CALCR: variants seen among roughly 807,000 people sequenced by gnomAD.
CALCR encodes calcitonin receptor.
Under a neutral mutation model 59.5 loss-of-function variants are expected in CALCR, and 47 were observed. The ratio of observed to expected loss-of-function variants is 0.79; its 90% CI spans 0.63 to 1.01. The LOEUF is 1.01. Among genes scored for constraint, CALCR ranks in the 50% least tolerant of loss-of-function variants. The pLI, the probability that CALCR is intolerant of heterozygous loss-of-function variation, is 0.00. For missense variants in CALCR, 566 were observed against 597.1 expected, an observed-to-expected ratio of 0.95 and a Z score of 0.54; for synonymous variants, 213 against 211.3, an observed-to-expected ratio of 1.01 and a Z score of -0.07.
At chr7:93,497,287 T>G (rs541480635) in intron 2 of CALCR, among the ~76,000 whole-genome samples, 1 of 151,782 alleles carries the variant, frequency 6.6e-6, no homozygotes, top group East Asian at 1.9e-4. Flanking sequence ...TCATGCTAAC[T>G]TAGCTCTTAT....
At chr7:93,526,521 T>TA (rs11379015) in intron 2 of CALCR, among the ~76,000 whole-genome samples, 97,282 of 151,872 alleles carry the variant, frequency 0.64, 32,892 homozygotes, top group African/African-American at 0.88. Context: ...TTGCAATTTA[T>TA]ATGTATATTA....
chr7:93,559,973 C>A (rs1457435903), intron 2 of CALCR, among the ~76,000 whole-genome samples: 2 of 152,042 alleles, frequency 1.3e-5, no homozygotes, highest in Admixed American at 1.3e-4. Flanking sequence ...TCTCACAACA[C>A]AGTGTATATT....
intron 8 of CALCR, among the ~76,000 whole-genome samples, chr7:93,458,338 G>A (rs1800249933): frequency 6.6e-6 from 1 of 152,164 alleles, no homozygotes; most frequent in South Asian, 2.1e-4. Context: ...TGGCAGAATT[G>A]TCAAAAGCCA....
rs138890266 is a variant in CALCR at position 93,493,496 on chromosome 7, C to T, written c.-26-6489G>A. On this transcript the variant is annotated intron_variant, in intron 2 of 13. Coordinates refer to ENST00000426151, the MANE Select transcript of CALCR (RefSeq NM_001742.4). ...TCAAACATGTCCATCCTATCTACTA[C>T]CTTAGTGCAGGTCACCATCTTTCTC... 2.1e-3 allele frequency among the ~76,000 whole-genome samples: 314 copies of T among 151,454 alleles called. 1 individual carries two copies. Among genetic ancestry groups the T allele is most frequent in the African/African-American group, 6.6e-3 (275 of 41,442 alleles).
intron 2 of CALCR, among the ~76,000 whole-genome samples, chr7:93,565,702 C>A (rs1042167100): frequency 6.6e-6 from 1 of 152,188 alleles, no homozygotes; most frequent in Non-Finnish European, 1.5e-5. Context: ...AATACCCTGA[C>A]CTTTCAGTCC....
At chr7:93,548,185 C>A (rs1789343263) in intron 2 of CALCR, among the ~76,000 whole-genome samples, 1 of 152,174 alleles carries the variant, frequency 6.6e-6, no homozygotes, top group Admixed American at 6.6e-5. Context: ...TTCATAAACA[C>A]CCTTCTCCCA....
intron 2 of CALCR, among the ~76,000 whole-genome samples, chr7:93,564,906 A>T (rs1789828430): frequency 6.6e-6 from 1 of 152,228 alleles, no homozygotes; most frequent in African/African-American, 2.4e-5. Context: ...AGACTCAAAC[A>T]GTGAGGCTTT....
chr7:93,538,412 A>G (rs1415201379), intron 2 of CALCR, among the ~76,000 whole-genome samples: 1 of 151,938 alleles, frequency 6.6e-6, no homozygotes, highest in East Asian at 1.9e-4. Context: ...TTCTTCTTCC[A>G]CCTTCAGTGG....
chr7:93,548,268 A>C (rs1355033507), intron 2 of CALCR, among the ~76,000 whole-genome samples: 3 of 152,164 alleles, frequency 2.0e-5, no homozygotes, highest in African/African-American at 7.2e-5. Context: ...TGGGGATATA[A>C]AGAACCTCTT....
rs1800801894 is a variant in CALCR, at chr7:93,481,738, T to C, written c.52-2231A>G. Among the ~76,000 whole-genome samples the C allele has an allele frequency of 2.0e-5, 3 of 151,898 alleles. No individual in the cohort carries two copies. In the South Asian group the frequency reaches 6.2e-4, roughly 31 times the overall value. On this transcript the variant is annotated intron_variant, in intron 3 of 13. Transcript: ENST00000426151. Reference sequence around the variant, plus strand: ...ATTGTGAATAAGGTTGACACTACTCTTTAAACATTTTGTTGATTTCTAATT... The same window carrying C: ...ATTGTGAATAAGGTTGACACTACTCCTTAAACATTTTGTTGATTTCTAATT...
chr7:93,564,830 T>A (rs1356297262), intron 2 of CALCR, among the ~76,000 whole-genome samples: 1 of 151,882 alleles, frequency 6.6e-6, no homozygotes, highest in Non-Finnish European at 1.5e-5. Flanking sequence ...GTTGTAGGAA[T>A]AGGGCAAAAT....
intron 7 of CALCR, among the ~76,000 whole-genome samples, chr7:93,462,724 A>G (rs993141613): frequency 1.3e-5 from 2 of 152,042 alleles, no homozygotes; most frequent in African/African-American, 4.8e-5. Flanking sequence ...AGTGTTCAAT[A>G]ATCTGCTGTT....
At chr7:93,550,568 A>C (rs1789425554) in intron 2 of CALCR, among the ~76,000 whole-genome samples, 1 of 148,442 alleles carries the variant, frequency 6.7e-6, no homozygotes, top group African/African-American at 2.5e-5. Context: ...AATTCACAAT[A>C]ATTATAACCA....
intron 2 of CALCR, among the ~76,000 whole-genome samples, chr7:93,550,640 C>CACACACACACGA (rs546932316): frequency 2.0e-5 from 3 of 146,758 alleles, no homozygotes; most frequent in Non-Finnish European, 4.5e-5. Flanking sequence ...CACACACACA[C>CACACACACACGA]GAGAGACAGA....
In CALCR at chr7:93,426,193, T is replaced by C. The variant is rs1349251676; in HGVS notation, c.*163A>G. On this transcript the variant is annotated 3_prime_UTR_variant, in exon 14 of 14. Transcript: ENST00000426151. ...CCTAGACTGTCTCCCAAAGCAACAG[T>C]ACCAAGAATAACTTTCTTCAGATTT... 1 of 583,300 alleles carries C rather than the reference T, an allele frequency of 1.7e-6. No individual in the cohort carries two copies. The allele number at this position is 583,300 out of a possible 1,614,324, so 36.1% of individuals were successfully genotyped here. A position where few individuals can be genotyped will look rare whatever the true frequency, so the allele number is the denominator to read the frequency against.
intron 2 of CALCR, among the ~76,000 whole-genome samples, chr7:93,544,108 C>T (rs1188229796): frequency 6.6e-6 from 1 of 151,640 alleles, no homozygotes; most frequent in Non-Finnish European, 1.5e-5. Flanking sequence ...TACACTCTTC[C>T]GTTAAGAGAT....
chr7:93,446,314 A>G (rs1232636850), intron 8 of CALCR, among the ~76,000 whole-genome samples: 1 of 152,070 alleles, frequency 6.6e-6, no homozygotes, highest in Admixed American at 6.6e-5. Flanking sequence ...TGACTATTAG[A>G]ATTTTTCACA....
chr7:93,561,865 T>C (rs959489221), intron 2 of CALCR, among the ~76,000 whole-genome samples: 13 of 152,142 alleles, frequency 8.5e-5, no homozygotes, highest in Non-Finnish European at 1.9e-4. Context: ...ATGTGTGCTC[T>C]GCCTTCAGTA....
At chr7:93,524,116 A>G (rs1052239536) in intron 2 of CALCR, among the ~76,000 whole-genome samples, 4 of 151,804 alleles carry the variant, frequency 2.6e-5, no homozygotes, top group Non-Finnish European at 4.4e-5. Flanking sequence ...AGTTGGCTAG[A>G]GTCTTACCAC....
Sources: gnomAD v4.1 joint callset for allele counts (sites outside exome capture counted in the v4.1 genomes callset) on GRCh38, gnomAD v4.1.1 for gene constraint, MANE v1.5 for transcripts, NCBI Gene and HGNC (gene_info 2026-07-23, HGNC 2026-07-21) for gene names.